Variants in MTUS2 observed in about 807,000 individuals in gnomAD.
MTUS2 encodes the protein microtubule-associated tumor suppressor candidate 2.
In MTUS2, 40 loss-of-function variants were observed where a neutral mutation model predicts 114.1. The observed-to-expected ratio is 0.35, with a 90% CI of 0.27 to 0.46. MTUS2 has a LOEUF of 0.46. MTUS2 is among the 20% of genes least tolerant of loss of function. The pLI is 1.00. For missense variants in MTUS2, 1,679 were observed against 1,705.4 expected, an observed-to-expected ratio of 0.98 and a Z score of 0.27; for synonymous variants, 688 against 672.0, an observed-to-expected ratio of 1.02 and a Z score of -0.37.
chr13:29,489,438 C>T (rs1163070926), intron 11 of MTUS2, among the ~76,000 whole-genome samples: 1 of 152,208 alleles, frequency 6.6e-6, no homozygotes, highest in Non-Finnish European at 1.5e-5. Flanking sequence ...ACCACCCCCA[C>T]TACCTCTGGG....
intron 2 of MTUS2, among the ~76,000 whole-genome samples, chr13:28,908,818 T>G (rs1880217156): frequency 6.6e-6 from 1 of 151,602 alleles, no homozygotes; most frequent in African/African-American, 2.4e-5. Context: ...TTTTTATGGT[T>G]TTAGGTCTAA....
At chr13:29,246,276 C>T (rs1457137199) in intron 5 of MTUS2, among the ~76,000 whole-genome samples, 3 of 152,124 alleles carry the variant, frequency 2.0e-5, no homozygotes, top group Admixed American at 6.6e-5. Flanking sequence ...GGCAAGAACA[C>T]TAGGGAAGGA....
intron 9 of MTUS2, among the ~76,000 whole-genome samples, chr13:29,469,793 C>A (rs1273167564): frequency 6.6e-6 from 1 of 151,532 alleles, no homozygotes; most frequent in East Asian, 1.9e-4. Context: ...GGTGACAGAG[C>A]AAGACCCTGT....
intron 8 of MTUS2, among the ~76,000 whole-genome samples, chr13:29,424,271 C>T (rs1249783197): frequency 2.6e-5 from 4 of 152,158 alleles, no homozygotes; most frequent in Admixed American, 2.0e-4. Flanking sequence ...ATCCTAATTA[C>T]ACTGATTTGA....
intron 5 of MTUS2, among the ~76,000 whole-genome samples, chr13:29,223,881 C>T (rs1896003534): frequency 6.6e-6 from 1 of 152,218 alleles, no homozygotes; most frequent in Non-Finnish European, 1.5e-5. Flanking sequence ...CACCACATTC[C>T]CTGTGCCAGC....
chr13:29,092,082 A>G (rs1889979068), intron 4 of MTUS2, among the ~76,000 whole-genome samples: 1 of 152,228 alleles, frequency 6.6e-6, no homozygotes, highest in African/African-American at 2.4e-5. Context: ...TAGCAGCAGG[A>G]GGCAGTCAAA....
At chr13:28,884,107 T>C (rs146375286) in intron 2 of MTUS2, among the ~76,000 whole-genome samples, 26 of 152,356 alleles carry the variant, frequency 1.7e-4, no homozygotes, top group African/African-American at 5.5e-4. Flanking sequence ...TGTACACTCA[T>C]GTTCATAGCA....
At chr13:29,502,910 C>T (rs1883000287) in intron 15 of MTUS2, 83 bp from the exon 16 acceptor site, 1 of 1,393,364 alleles carries the variant, frequency 7.2e-7, no homozygotes, top group Non-Finnish European at 1.0e-6. Context: ...TGGCCTCCTC[C>T]CTTTGCCCTG....
intron 2 of MTUS2, among the ~76,000 whole-genome samples, chr13:28,874,912 A>G (rs183258861): frequency 8.3e-4 from 126 of 152,294 alleles, no homozygotes; most frequent in Non-Finnish European, 1.2e-3. Flanking sequence ...TTTGGTATCA[A>G]TTATCATGAG....
intron 5 of MTUS2, among the ~76,000 whole-genome samples, chr13:29,101,689 A>G (rs531318044): frequency 2.0e-5 from 3 of 152,344 alleles, no homozygotes; most frequent in East Asian, 1.9e-4. Context: ...ATGGGAAACC[A>G]TGACATCTCA....
rs187614625 is a variant in MTUS2 at position 29,337,407 on chromosome 13, T to C, written c.2905+12696T>C. 5.5e-3 allele frequency among the ~76,000 whole-genome samples: 841 copies of C among 152,164 alleles called. 6 individuals are homozygous for C. Among genetic ancestry groups the C allele is most frequent in the Non-Finnish European group, 8.5e-3 (581 of 67,984 alleles). On this transcript the variant is annotated intron_variant, in intron 7 of 15. Coordinates refer to ENST00000612955, the MANE Select transcript of MTUS2 (RefSeq NM_001033602.4). ...TCTGTTGGCTAGGGGAGGGAGTTCT[T>C]AGACCCCTAGCACTTCCCAGAGGAG...
At chr13:28,869,106 C>G (rs992449195) in intron 2 of MTUS2, among the ~76,000 whole-genome samples, 2 of 152,202 alleles carry the variant, frequency 1.3e-5, no homozygotes, top group Non-Finnish European at 2.9e-5. Flanking sequence ...ATTTGATAAT[C>G]TGCACCCCAT....
At chr13:29,453,658 T>C (rs1393794143) in intron 9 of MTUS2, among the ~76,000 whole-genome samples, 2 of 152,238 alleles carry the variant, frequency 1.3e-5, no homozygotes, top group African/African-American at 4.8e-5. Flanking sequence ...TTCCATACAC[T>C]TGATCAGTTT....
At chr13:28,969,204 G>T (rs1273668461) in intron 2 of MTUS2, among the ~76,000 whole-genome samples, 3 of 151,922 alleles carry the variant, frequency 2.0e-5, no homozygotes, top group African/African-American at 7.3e-5. Context: ...ACCGTGCCTG[G>T]CTAATTTTTG....
At chr13:28,900,140 A>C (rs762135789) in intron 2 of MTUS2, among the ~76,000 whole-genome samples, 3 of 152,006 alleles carry the variant, frequency 2.0e-5, no homozygotes, top group Non-Finnish European at 4.4e-5. Context: ...TGCTCACCTC[A>C]GCCTCCCAAA....
chr13:29,275,522 A>G (rs1593250908), intron 5 of MTUS2, among the ~76,000 whole-genome samples: 1 of 152,142 alleles, frequency 6.6e-6, no homozygotes, highest in East Asian at 1.9e-4. Context: ...CCCACCCACC[A>G]CTACCCTTCC....
chr13:29,414,456 A>T (rs553297180), intron 8 of MTUS2, among the ~76,000 whole-genome samples: 131 of 62,540 alleles, frequency 2.1e-3, no homozygotes, highest in African/African-American at 6.0e-3. Context: ...AGAGTATAAT[A>T]AAAAAAAAAA....
At chr13:29,401,237 C>T (rs1433757825) in intron 8 of MTUS2, among the ~76,000 whole-genome samples, 1 of 152,182 alleles carries the variant, frequency 6.6e-6, no homozygotes, top group Non-Finnish European at 1.5e-5. Flanking sequence ...CCACCAGCCT[C>T]GGGTGACGCA....
intron 8 of MTUS2, among the ~76,000 whole-genome samples, chr13:29,438,690 T>G (rs2138675093): frequency 6.6e-6 from 1 of 152,312 alleles, no homozygotes; most frequent in East Asian, 1.9e-4. Flanking sequence ...ACCTTCAGAC[T>G]ATAGCAGGGT....
Sources: gnomAD v4.1 joint callset for allele counts (sites outside exome capture counted in the v4.1 genomes callset) on GRCh38, gnomAD v4.1.1 for gene constraint, MANE v1.5 for transcripts, NCBI Gene and HGNC (gene_info 2026-07-23, HGNC 2026-07-21) for gene names.